The following LRRTM4 variants were observed in gnomAD, a reference collection of about 807,000 sequenced individuals.
LRRTM4 encodes the protein leucine rich repeat transmembrane neuronal 4.
A neutral mutation model predicts 47.6 loss-of-function variants in LRRTM4; 25 were observed. The observed-to-expected ratio is 0.53, with a 90% CI of 0.38 to 0.73. The LOEUF (loss-of-function observed/expected upper bound fraction) is 0.73, where lower values mean the gene tolerates loss of function less well. LRRTM4 is among the 30% of genes least tolerant of loss of function. The pLI is 0.00. For synonymous variants in LRRTM4, 311 were observed against 269.5 expected, an observed-to-expected ratio of 1.15 and a Z score of -1.51; for missense variants, 638 against 713.4, an observed-to-expected ratio of 0.89 and a Z score of 1.20.
chr2:77,221,631 G>A (rs13016149), intron 3 of LRRTM4, among the ~76,000 whole-genome samples: 1 of 151,846 alleles, frequency 6.6e-6, no homozygotes, highest in East Asian at 1.9e-4. Context: ...AATGGTAAAG[G>A]GATCAATTCA....
chr2:77,089,729 A>C (rs865812263), intron 3 of LRRTM4, among the ~76,000 whole-genome samples: 24 of 152,070 alleles, frequency 1.6e-4, no homozygotes, highest in African/African-American at 5.8e-4. Flanking sequence ...CTAAAACCTA[A>C]ATGCCTTATT....
At chr2:76,919,304 T>C (rs1332230542) in intron 3 of LRRTM4, among the ~76,000 whole-genome samples, 1 of 152,148 alleles carries the variant, frequency 6.6e-6, no homozygotes, top group East Asian at 1.9e-4. Flanking sequence ...GCATTTTTAG[T>C]ATAAACTAAG....
Position 77,095,759 on chromosome 2 carries a change from C to T in LRRTM4, c.1552-346843G>A, listed in dbSNP as rs556157550. On this transcript the variant is annotated intron_variant, in intron 3 of 3. Coordinates refer to ENST00000409884, the MANE Select transcript of LRRTM4 (RefSeq NM_001134745.3). Reference sequence around the variant, plus strand: ...TCCTGACCTTCAGGTCAGATCCACCCGCCTTGGCCTCCCAAAGTGCTGGGA... The same window carrying T: ...TCCTGACCTTCAGGTCAGATCCACCTGCCTTGGCCTCCCAAAGTGCTGGGA... 1.6e-4 allele frequency among the ~76,000 whole-genome samples: 25 copies of T among 152,170 alleles called. 1 individual carries two copies. In the South Asian group the frequency reaches 3.9e-3, roughly 24 times the overall value.
At chr2:76,964,243 T>A (rs1327039820) in intron 3 of LRRTM4, among the ~76,000 whole-genome samples, 1 of 149,770 alleles carries the variant, frequency 6.7e-6, no homozygotes, top group Non-Finnish European at 1.5e-5. Flanking sequence ...ACTGTTAACA[T>A]TTTAAGCAAT....
chr2:76,835,417 G>C (rs1427741558), intron 3 of LRRTM4, among the ~76,000 whole-genome samples: 2 of 152,052 alleles, frequency 1.3e-5, no homozygotes, highest in Admixed American at 6.6e-5. Context: ...AATCAATGGT[G>C]AATAGTAAGA....
At chr2:77,321,112 CTT>C (rs1273228979) in intron 3 of LRRTM4, among the ~76,000 whole-genome samples, 1 of 152,036 alleles carries the variant, frequency 6.6e-6, no homozygotes, top group African/African-American at 2.4e-5. Context: ...AAACTCATAA[CTT>C]TATTACTAAA....
At chr2:77,276,265 C>T (rs1300192227) in intron 3 of LRRTM4, among the ~76,000 whole-genome samples, 1 of 148,692 alleles carries the variant, frequency 6.7e-6, no homozygotes, top group Non-Finnish European at 1.5e-5. Flanking sequence ...CAAGGAAACA[C>T]TGCAATGTAA....
intron 3 of LRRTM4, among the ~76,000 whole-genome samples, chr2:76,800,862 A>G (rs1370595519): frequency 1.3e-5 from 2 of 151,084 alleles, no homozygotes; most frequent in East Asian, 4.1e-4. Context: ...AATGCTCATC[A>G]TCACTGGCCA....
At chr2:77,148,670 TAG>T (rs1558605267) in intron 3 of LRRTM4, among the ~76,000 whole-genome samples, 1 of 152,124 alleles carries the variant, frequency 6.6e-6, no homozygotes, top group Admixed American at 6.5e-5. Flanking sequence ...AAAAAGGGAA[TAG>T]AAAGCCCTTA....
At chr2:77,509,920 A>G (rs912618562) in intron 3 of LRRTM4, among the ~76,000 whole-genome samples, 1 of 152,170 alleles carries the variant, frequency 6.6e-6, no homozygotes. Context: ...GTATTTGTCC[A>G]TGTTGTGGTT....
At chr2:77,356,243 T>C (rs1471804360) in intron 3 of LRRTM4, among the ~76,000 whole-genome samples, 4 of 152,172 alleles carry the variant, frequency 2.6e-5, no homozygotes, top group African/African-American at 9.7e-5. Flanking sequence ...TATTAGACAC[T>C]ATCCTTTATG....
At chr2:77,012,842 A>G (rs531689022) in intron 3 of LRRTM4, among the ~76,000 whole-genome samples, 8 of 152,330 alleles carry the variant, frequency 5.3e-5, no homozygotes, top group African/African-American at 1.9e-4. Flanking sequence ...AGCCTAAGCC[A>G]CCACGGATAT....
chr2:76,823,681 C>A (rs543775722), intron 3 of LRRTM4, among the ~76,000 whole-genome samples: 1 of 151,344 alleles, frequency 6.6e-6, no homozygotes, highest in East Asian at 1.9e-4. Flanking sequence ...GAGTCAAGTT[C>A]TTCAACAACA....
At chr2:76,932,234 G>C (rs1157741261) in intron 3 of LRRTM4, among the ~76,000 whole-genome samples, 2 of 152,082 alleles carry the variant, frequency 1.3e-5, no homozygotes, top group African/African-American at 2.4e-5. Context: ...TGAACCTTGA[G>C]TTTAGTTACT....
chr2:76,920,171 A>G (rs1251053965), intron 3 of LRRTM4, among the ~76,000 whole-genome samples: 2 of 152,174 alleles, frequency 1.3e-5, no homozygotes, highest in Admixed American at 1.3e-4. Flanking sequence ...GATATTTATG[A>G]CACTGTAATC....
intron 3 of LRRTM4, among the ~76,000 whole-genome samples, chr2:77,314,095 T>A (rs1482273506): frequency 6.6e-6 from 1 of 152,186 alleles, no homozygotes; most frequent in Non-Finnish European, 1.5e-5. Flanking sequence ...TTCAGATCAT[T>A]GTAAGGAGCA....
At chr2:76,891,066 C>T (rs999092859) in intron 3 of LRRTM4, among the ~76,000 whole-genome samples, 7 of 151,588 alleles carry the variant, frequency 4.6e-5, no homozygotes, top group African/African-American at 1.7e-4. Flanking sequence ...TTTAAGGTCC[C>T]ACTTCAGAAA....
intron 3 of LRRTM4, among the ~76,000 whole-genome samples, chr2:77,048,661 T>A (rs62170908): frequency 0.12 from 18,336 of 152,016 alleles, 1,389 homozygotes; most frequent in Admixed American, 0.19. Context: ...GATAACTATA[T>A]GTTTTTTATG....
At chr2:77,227,711 A>G (rs1674852836) in intron 3 of LRRTM4, among the ~76,000 whole-genome samples, 1 of 152,112 alleles carries the variant, frequency 6.6e-6, no homozygotes, top group South Asian at 2.1e-4. Context: ...AACATTTTAA[A>G]TACAGATTAT....
Sources: gnomAD v4.1 joint callset for allele counts (sites outside exome capture counted in the v4.1 genomes callset) on GRCh38, gnomAD v4.1.1 for gene constraint, MANE v1.5 for transcripts, NCBI Gene and HGNC (gene_info 2026-07-23, HGNC 2026-07-21) for gene names.